The following HSPA12A variants were observed in gnomAD, a reference collection of about 807,000 sequenced individuals.
HSPA12A encodes heat shock protein family A (Hsp70) member 12A.
In HSPA12A, 28 loss-of-function variants were observed where a neutral mutation model predicts 69.2. The ratio of observed to expected loss-of-function variants is 0.40; its 90% CI spans 0.30 to 0.55. The LOEUF (loss-of-function observed/expected upper bound fraction) is 0.55. HSPA12A is among the 20% of genes least tolerant of loss of function. The pLI is 0.38. For missense variants in HSPA12A, 686 were observed against 900.7 expected (o/e 0.76, Z 3.05); for synonymous variants, 345 against 370.5 (o/e 0.93, Z 0.79).
At chr10:116,706,360 C>A (rs1263664878) in intron 2 of HSPA12A, among the ~76,000 whole-genome samples, 14 of 152,244 alleles carry the variant, frequency 9.2e-5, no homozygotes, top group African/African-American at 3.1e-4. Context: ...AGGACAACTT[C>A]AGGGTGCAAA....
intron 1 of HSPA12A, among the ~76,000 whole-genome samples, chr10:116,726,027 G>GCACA (rs71013613): frequency 4.4e-4 from 64 of 146,218 alleles, no homozygotes; most frequent in East Asian, 1.0e-3. Context: ...ACACACACAC[G>GCACA]CACACACACA....
intron 1 of HSPA12A, among the ~76,000 whole-genome samples, chr10:116,836,482 T>C (rs1845712594): frequency 6.6e-6 from 1 of 152,216 alleles, no homozygotes; most frequent in Non-Finnish European, 1.5e-5. Flanking sequence ...CTTTGGTTCC[T>C]TTCTGGAAGG....
upstream of HSPA12A, among the ~76,000 whole-genome samples, chr10:116,745,521 A>G (rs1377052163): frequency 6.6e-6 from 1 of 152,108 alleles, no homozygotes; most frequent in Non-Finnish European, 1.5e-5. Flanking sequence ...TGGTGGAGAG[A>G]ATGTTACACA....
At chr10:116,817,681 C>T (rs1266438897) in intron 2 of HSPA12A, among the ~76,000 whole-genome samples, 1 of 152,116 alleles carries the variant, frequency 6.6e-6, no homozygotes, top group Non-Finnish European at 1.5e-5. Context: ...TCAGGCTTGT[C>T]ACCCAAAGTC....
intron 2 of HSPA12A, among the ~76,000 whole-genome samples, chr10:116,788,160 G>A (rs766118859): frequency 6.6e-6 from 1 of 152,172 alleles, no homozygotes; most frequent in African/African-American, 2.4e-5. Context: ...TGGCCGAGCC[G>A]ACCAAAGCAC....
Position 116,675,515 on chromosome 10 carries a change from C to G in HSPA12A, c.1391-97G>C. The G allele has an allele frequency of 3.9e-6, 5 of 1,296,362 alleles. No homozygotes were observed. The highest frequency in any genetic ancestry group is 5.2e-6 in the Non-Finnish European group (5 of 959,478). 80.3% of individuals were successfully genotyped at this position (1,296,362 alleles called of 1,614,324 possible). On this transcript the variant is annotated intron_variant, in intron 11 of 11. Coordinates refer to ENST00000369209, the MANE Select transcript of HSPA12A (RefSeq NM_025015.3). The surrounding 1 kb of genome is among the most constrained non-coding windows in gnomAD (Gnocchi z 5.2). ...CATCTGTGGGGAACGGATAAAGCCA[C>G]TTGGGCCACTGGGAGGGCAGGCTTA...
intron 1 of HSPA12A, among the ~76,000 whole-genome samples, chr10:116,726,027 G>GCGCGCGCACACACA (rs140160132): frequency 0.011 from 1,639 of 146,202 alleles, 17 homozygotes; most frequent in East Asian, 0.036. Flanking sequence ...ACACACACAC[G>GCGCGCGCACACACA]CACACACACA....
At chr10:116,770,249 A>G (rs959424389) in intron 2 of HSPA12A, among the ~76,000 whole-genome samples, 18 of 152,210 alleles carry the variant, frequency 1.2e-4, no homozygotes, top group South Asian at 8.3e-4. Flanking sequence ...AATGATTACC[A>G]AGAGTTTGGC....
rs141619255 is a variant in HSPA12A at position 116,814,346 on chromosome 10, C to T, written c.91+20589G>A. Among the ~76,000 whole-genome samples the T allele has an allele frequency of 5.7e-3, 872 of 152,230 alleles. 4 individuals carry two copies. Among genetic ancestry groups the T allele is most frequent in the Non-Finnish European group, 6.8e-3 (462 of 68,020 alleles). On this transcript the variant is annotated intron_variant, in intron 2 of 12. Coordinates refer to the HSPA12A transcript ENST00000635765. ...TAAGTGGAGTTCCCAAGGCAGAGGG[C>T]GGCCAGCTGTTGGTGAGGATCCATA...
intron 2 of HSPA12A, chr10:116,828,934 G>A (rs975503106): frequency 3.3e-5 from 5 of 152,228 alleles, no homozygotes; most frequent in Admixed American, 2.0e-4. Context: ...TGGTGCAAAA[G>A]TGTGAGAAAC....
chr10:116,718,952 G>C (rs1431457690), intron 1 of HSPA12A, among the ~76,000 whole-genome samples: 9 of 152,034 alleles, frequency 5.9e-5, no homozygotes, highest in Admixed American at 2.6e-4. Flanking sequence ...GAGATTCACT[G>C]AATACTTGCT....
chr10:116,742,201 C>A (rs1554887284), intron 1 of HSPA12A, among the ~76,000 whole-genome samples: 2 of 151,960 alleles, frequency 1.3e-5, no homozygotes, highest in African/African-American at 4.8e-5. Context: ...GCGGAGTCCG[C>A]ACCCTGGCGG....
chr10:116,694,108 G>A (rs965003890), intron 5 of HSPA12A, among the ~76,000 whole-genome samples: 1 of 152,200 alleles, frequency 6.6e-6, no homozygotes, highest in Non-Finnish European at 1.5e-5. Context: ...GAGCTGTCTG[G>A]AGAGTTTAGA....
chr10:116,809,141 C>T (rs1473440066), intron 2 of HSPA12A, among the ~76,000 whole-genome samples: 2 of 152,142 alleles, frequency 1.3e-5, no homozygotes, highest in Non-Finnish European at 2.9e-5. Context: ...TAAGTGGGGA[C>T]TCAGGGGAGC....
intron 2 of HSPA12A, among the ~76,000 whole-genome samples, chr10:116,801,138 C>T (rs766562858): frequency 5.1e-4 from 77 of 152,180 alleles, no homozygotes; most frequent in Admixed American, 2.5e-3. Context: ...TTCAACACAT[C>T]CTATTTCCGG....
chr10:116,843,123 A>G (rs1845830107), intron 1 of HSPA12A, among the ~76,000 whole-genome samples: 1 of 152,224 alleles, frequency 6.6e-6, no homozygotes, highest in Non-Finnish European at 1.5e-5. Flanking sequence ...AGCCTTTGAC[A>G]GGATGCCAGC....
At chr10:116,803,467 T>C (rs1285299739) in intron 2 of HSPA12A, among the ~76,000 whole-genome samples, 10 of 152,202 alleles carry the variant, frequency 6.6e-5, no homozygotes, top group Admixed American at 2.6e-4. Context: ...CCCCCTGAGC[T>C]GAATCCAGGC....
intron 5 of HSPA12A, among the ~76,000 whole-genome samples, chr10:116,697,927 G>A (rs1340937803): frequency 2.0e-5 from 3 of 152,190 alleles, no homozygotes; most frequent in African/African-American, 7.2e-5. Flanking sequence ...GGAATCACAT[G>A]CTATGTGGCT....
chr10:116,815,621 A>C (rs1845289224), intron 2 of HSPA12A, among the ~76,000 whole-genome samples: 1 of 152,166 alleles, frequency 6.6e-6, no homozygotes, highest in Admixed American at 6.6e-5. Context: ...AAACCCAGGA[A>C]GGAACTAGGA....
Sources: gnomAD v4.1 joint callset for allele counts (sites outside exome capture counted in the v4.1 genomes callset) on GRCh38, gnomAD v4.1.1 for gene constraint, Gnocchi (gnomAD v3.1) non-coding constraint, MANE v1.5 for transcripts, NCBI Gene and HGNC (gene_info 2026-07-23, HGNC 2026-07-21) for gene names.